Variants in CYP46A1 observed in about 807,000 individuals in gnomAD.
CYP46A1 encodes the protein cytochrome P450 family 46 subfamily A member 1.
CYP46A1 carries 20 observed loss-of-function variants against 63.3 expected under a neutral mutation model. That is an observed-to-expected ratio of 0.32 (90% CI 0.22 to 0.46). The LOEUF is 0.46. Ranked by LOEUF, CYP46A1 falls within the 20% of genes least tolerant of loss-of-function variation. CYP46A1 has a pLI of 1.00. For missense variants in CYP46A1, 445 were observed against 670.8 expected (o/e 0.66, Z 3.72); for synonymous variants, 268 against 273.6 (o/e 0.98, Z 0.20).
At chr14:99,703,946 GC>G in intron 5 of CYP46A1, 2 of 943,194 alleles carry the variant, frequency 2.1e-6, no homozygotes, top group Non-Finnish European at 2.5e-6. Context: ...TGTGCCAAGA[GC>G]CAGGGTTGCA....
chr14:99,705,233 G>T (rs1462229526), intron 5 of CYP46A1, among the ~76,000 whole-genome samples: 2 of 152,016 alleles, frequency 1.3e-5, no homozygotes, highest in Non-Finnish European at 2.9e-5. Context: ...TTAGAGACAG[G>T]GTCTCACTCT....
intron 10 of CYP46A1, among the ~76,000 whole-genome samples, chr14:99,718,667 A>G (rs566150913): frequency 6.6e-6 from 1 of 152,260 alleles, no homozygotes; most frequent in South Asian, 2.1e-4. Context: ...GGACAGTTGC[A>G]TGGAGTGGCT....
intron 10 of CYP46A1, 61 bp downstream of exon 10, chr14:99,718,187 C>A: frequency 7.2e-7 from 1 of 1,384,788 alleles, no homozygotes; most frequent in Non-Finnish European, 1.0e-6. Flanking sequence ...TCCTGAGGGC[C>A]ACCTGCCCCC....
chr14:99,723,052 A>G (rs1300545279), intron 12 of CYP46A1: 2 of 345,570 alleles, frequency 5.8e-6, no homozygotes, highest in Non-Finnish European at 1.2e-5. Context: ...GCTGTTCTTC[A>G]TCATCTCCAG....
At position 99,696,947 on chromosome 14, in the gene CYP46A1, A is replaced by G. The variant is rs187671227; in HGVS notation, c.283-2519A>G. On this transcript the variant is annotated intron_variant, in intron 3 of 14. Transcript: ENST00000261835. ...TTTTATAAGTGGGAGTCTAGAGTAG[A>G]CTTTTACTTGAGAGCTAGTTTAGCC... Among the ~76,000 whole-genome samples, 6 of 152,276 alleles carry G rather than the reference A, an allele frequency of 3.9e-5. No homozygotes were observed. In the East Asian group the frequency reaches 1.2e-3, roughly 29 times the overall value.
intron 2 of CYP46A1, 148 bp from the exon 3 acceptor site, chr14:99,691,632 G>C: frequency 1.4e-6 from 1 of 703,142 alleles, no homozygotes; most frequent in Non-Finnish European, 2.5e-6. Flanking sequence ...TTGCCCCCAG[G>C]GCTCCTGGGC....
At chr14:99,699,430 T>A (rs756652196) in intron 3 of CYP46A1, 36 bp from the exon 4 acceptor site, 31 of 1,586,142 alleles carry the variant, frequency 2.0e-5, no homozygotes, top group Non-Finnish European at 5.2e-6. Flanking sequence ...TACTCATGGG[T>A]GCATGAGCCT....
chr14:99,701,324 G>A (rs2056628885), intron 5 of CYP46A1, among the ~76,000 whole-genome samples: 1 of 152,152 alleles, frequency 6.6e-6, no homozygotes, highest in South Asian at 2.1e-4. Context: ...GCAACTTCCA[G>A]TCCTGCAAGC....
intron 10 of CYP46A1, among the ~76,000 whole-genome samples, chr14:99,719,390 T>G (rs11851770): frequency 0.016 from 2,475 of 150,968 alleles, 64 homozygotes; most frequent in African/African-American, 0.055. Context: ...TTTTTTTTTT[T>G]TGTGTATTTT....
At chr14:99,726,348 GGGGCTGCT>G in intron 14 of CYP46A1, 92 bp downstream of exon 14, 1 of 1,301,774 alleles carries the variant, frequency 7.7e-7, no homozygotes, top group Non-Finnish European at 1.1e-6. Context: ...CCCCTGCTCT[GGGGCTGCT>G]GGGCTGTGGG....
At chr14:99,719,521 C>T (rs1481582448) in intron 10 of CYP46A1, among the ~76,000 whole-genome samples, 1 of 151,710 alleles carries the variant, frequency 6.6e-6, no homozygotes, top group East Asian at 1.9e-4. Flanking sequence ...TGCTCCTGGC[C>T]TCCGTCTCCA....
intron 10 of CYP46A1, among the ~76,000 whole-genome samples, chr14:99,718,417 T>C (rs1418229244): frequency 1.3e-5 from 2 of 152,190 alleles, no homozygotes; most frequent in Non-Finnish European, 2.9e-5. Flanking sequence ...CCTGGGATTG[T>C]TTCATGTCTA....
chr14:99,710,935 G>T (rs2056724708), intron 7 of CYP46A1: 2 of 151,884 alleles, frequency 1.3e-5, no homozygotes, highest in South Asian at 4.1e-4. Flanking sequence ...CAAATTTTAA[G>T]AAATTGAAAT....
chr14:99,726,662 G>C lies in CYP46A1; in HGVS notation c.1438G>C (p.Asp480His). ...GGAGCAGGCCACACTCAAGCCACTGGACCCCGTGCTGTGCACCCTGCGGCC... is the reference window on the plus strand; with the variant it reads ...GGAGCAGGCCACACTCAAGCCACTGCACCCCGTGCTGTGCACCCTGCGGCC... ...LQEQATLKPL[D>H]PVLCTLRPRG... Residue 480 changes from aspartate to histidine, a missense_variant, in exon 15 of 15, where the codon GAC becomes CAC. Physicochemically the swap from Asp to His is moderately conservative, Grantham distance 81. Around this residue, in one of 4 missense-constraint regions of CYP46A1, gnomAD observed 85 missense variants for 80.1 expected, o/e 1.06. Coordinates refer to ENST00000261835, the MANE Select transcript of CYP46A1 (RefSeq NM_006668.2). The C allele has an allele frequency of 6.4e-7, 1 of 1,560,042 alleles. No individual in the cohort carries two copies. Among genetic ancestry groups the C allele is most frequent in the Non-Finnish European group, 8.7e-7 (1 of 1,153,154 alleles).
At position 99,727,092 on chromosome 14, in the gene CYP46A1, G is replaced by A. The variant is rs557595465; in HGVS notation, c.*365G>A. On this transcript the variant is annotated 3_prime_UTR_variant, in exon 15 of 15. Coordinates refer to ENST00000261835, the MANE Select transcript of CYP46A1 (RefSeq NM_006668.2). ...TCCTTGCCACCCCCCGCCGGCAGGG[G>A]CCCCTCCTCTGTGCTCCCTCGGTCA... is the stretch of plus-strand genomic sequence containing the variant. The A allele has an allele frequency of 1.2e-5, 3 of 244,436 alleles. No homozygotes were observed. The highest frequency in any genetic ancestry group is 2.2e-5 in the African/African-American group (1 of 44,834). 15.1% of individuals were successfully genotyped at this position (244,436 alleles called of 1,614,324 possible).
chr14:99,713,863 C>A (rs2056760085), intron 7 of CYP46A1, among the ~76,000 whole-genome samples: 1 of 69,964 alleles, frequency 1.4e-5, no homozygotes. Context: ...GAGACTCCAT[C>A]TCAAAAAAAA....
At chr14:99,714,510 C>T (rs2056769301) in intron 7 of CYP46A1, among the ~76,000 whole-genome samples, 3 of 152,080 alleles carry the variant, frequency 2.0e-5, no homozygotes, top group African/African-American at 2.4e-5. Context: ...CCTGTAATCC[C>T]AGCACTTTGG....
intron 10 of CYP46A1, among the ~76,000 whole-genome samples, chr14:99,721,022 G>A (rs146823934): frequency 0.021 from 3,176 of 151,874 alleles, 108 homozygotes; most frequent in African/African-American, 0.073. Context: ...GGGGGAGGGC[G>A]GAGGTTGCAG....
chr14:99,698,070 G>T (rs555631009), intron 3 of CYP46A1, among the ~76,000 whole-genome samples: 29 of 152,234 alleles, frequency 1.9e-4, no homozygotes, highest in Admixed American at 1.2e-3. Flanking sequence ...ACAAAGTCAG[G>T]CATTTCTGGG....
Sources: gnomAD v4.1 joint callset for allele counts (sites outside exome capture counted in the v4.1 genomes callset) on GRCh38, gnomAD v4.1.1 for gene constraint, gnomAD v4.1.1 regional missense constraint, MANE v1.5 for transcripts, NCBI Gene and HGNC (gene_info 2026-07-23, HGNC 2026-07-21) for gene names.